NKAIN2: variants seen among roughly 807,000 people sequenced by gnomAD.
NKAIN2 encodes the protein sodium/potassium transporting ATPase interacting 2.
In NKAIN2, 14 loss-of-function variants were observed where a neutral mutation model predicts 32.6. The observed-to-expected ratio is 0.43, with a 90% CI of 0.28 to 0.67. The LOEUF (loss-of-function observed/expected upper bound fraction) is 0.67. NKAIN2 is among the 30% of genes least tolerant of loss of function. NKAIN2 has a pLI of 0.17. For missense variants in NKAIN2, 198 were observed against 258.3 expected (o/e 0.77, Z 1.60); for synonymous variants, 80 against 87.2 (o/e 0.92, Z 0.46).
chr6:124,716,600 C>T (rs1446602611), intron 4 of NKAIN2, among the ~76,000 whole-genome samples: 1 of 152,166 alleles, frequency 6.6e-6, no homozygotes, highest in Non-Finnish European at 1.5e-5. Context: ...ATTCAGCACA[C>T]TATATAATCT....
chr6:123,975,324 A>G (rs1444721874), intron 1 of NKAIN2, among the ~76,000 whole-genome samples: 3 of 152,242 alleles, frequency 2.0e-5, no homozygotes, highest in Non-Finnish European at 2.9e-5. Flanking sequence ...GAAAAAAATT[A>G]TAGAATTATC....
At chr6:124,328,645 T>C (rs540117132) in intron 2 of NKAIN2, among the ~76,000 whole-genome samples, 2 of 152,318 alleles carry the variant, frequency 1.3e-5, no homozygotes, top group Non-Finnish European at 2.9e-5. Context: ...TTTGGTGTTA[T>C]AGGGCTCTCT....
chr6:124,552,481 A>C (rs990168059), intron 3 of NKAIN2, among the ~76,000 whole-genome samples: 3 of 152,158 alleles, frequency 2.0e-5, no homozygotes, highest in African/African-American at 7.2e-5. Context: ...CGCCACATAG[A>C]CTGGTCTATG....
At chr6:123,856,644 A>G (rs1775565178) in intron 1 of NKAIN2, among the ~76,000 whole-genome samples, 1 of 152,224 alleles carries the variant, frequency 6.6e-6, no homozygotes, top group African/African-American at 2.4e-5. Context: ...ATGGATTGGA[A>G]GAAATGAAGT....
chr6:124,211,408 C>A (rs1220799601), intron 1 of NKAIN2, among the ~76,000 whole-genome samples: 2 of 151,990 alleles, frequency 1.3e-5, no homozygotes, highest in East Asian at 3.9e-4. Context: ...GTTTTTCTGA[C>A]CCTAAACAGC....
At chr6:124,042,368 G>C (rs1457200854) in intron 1 of NKAIN2, among the ~76,000 whole-genome samples, 1 of 152,028 alleles carries the variant, frequency 6.6e-6, no homozygotes, top group Non-Finnish European at 1.5e-5. Context: ...AATGGTTCCT[G>C]AAGCTCTAGA....
chr6:123,901,990 G>A lies in NKAIN2; in HGVS notation c.54+97736G>A, dbSNP rs188855390. Among the ~76,000 whole-genome samples the A allele has an allele frequency of 1.5e-3, 234 of 152,110 alleles. 2 individuals carry two copies. The highest frequency in any genetic ancestry group is 5.5e-3 in the African/African-American group (230 of 41,512). ...TGTAAAATAAAGTTTTGTTTTAATGGGTTGTTAGACAAATTTTAACGAAAT... is the reference window on the plus strand; with the variant it reads ...TGTAAAATAAAGTTTTGTTTTAATGAGTTGTTAGACAAATTTTAACGAAAT... On this transcript the variant is annotated intron_variant, in intron 1 of 6. Coordinates refer to ENST00000368417, the MANE Select transcript of NKAIN2 (RefSeq NM_001040214.3).
At chr6:124,119,802 C>T (rs1221015026) in intron 1 of NKAIN2, among the ~76,000 whole-genome samples, 1 of 152,194 alleles carries the variant, frequency 6.6e-6, no homozygotes, top group Non-Finnish European at 1.5e-5. Context: ...ACACCTGTCA[C>T]CCTGGAGCTC....
chr6:123,860,379 C>A (rs1298198062), intron 1 of NKAIN2, among the ~76,000 whole-genome samples: 3 of 152,070 alleles, frequency 2.0e-5, no homozygotes, highest in Admixed American at 6.5e-5. Context: ...ACCAACTGCA[C>A]CAATGTGTTC....
chr6:124,577,580 T>C (rs962156101), intron 3 of NKAIN2, among the ~76,000 whole-genome samples: 1 of 152,156 alleles, frequency 6.6e-6, no homozygotes, highest in Non-Finnish European at 1.5e-5. Flanking sequence ...GCCTCACCAA[T>C]GCAAGCTAAA....
At chr6:124,007,176 AT>A (rs1780113146) in intron 1 of NKAIN2, among the ~76,000 whole-genome samples, 1 of 152,200 alleles carries the variant, frequency 6.6e-6, no homozygotes, top group African/African-American at 2.4e-5. Context: ...AAATGTAAGT[AT>A]TTGTGTATCT....
intron 1 of NKAIN2, among the ~76,000 whole-genome samples, chr6:124,236,067 G>A (rs1049195157): frequency 2.0e-5 from 3 of 148,780 alleles, no homozygotes; most frequent in Non-Finnish European, 4.4e-5. Context: ...GGTCTTGAGT[G>A]GCATTCTTGG....
rs1313519888 is a variant in NKAIN2, at chr6:124,280,942, TGTAA to T, written c.55-2057_55-2054del. ...TTAGCTTGTTCAGTCTGCACAAACT[TGTAA>T]GTAAGAAACAATTGGTTGTGCCATA... On this transcript the variant is annotated intron_variant, in intron 1 of 6. Coordinates refer to ENST00000368417, the MANE Select transcript of NKAIN2 (RefSeq NM_001040214.3). Among the ~76,000 whole-genome samples the T allele has an allele frequency of 3.9e-5, 6 of 152,282 alleles. No homozygotes were observed. The South Asian group carries it at 6.2e-4, about 16-fold the overall frequency.
At chr6:124,405,203 T>G (rs945784291) in intron 3 of NKAIN2, among the ~76,000 whole-genome samples, 4 of 152,188 alleles carry the variant, frequency 2.6e-5, no homozygotes, top group Non-Finnish European at 5.9e-5. Flanking sequence ...GGGTACTAAG[T>G]TTTTGCAAAT....
intron 3 of NKAIN2, among the ~76,000 whole-genome samples, chr6:124,458,047 A>C (rs1416868897): frequency 6.6e-6 from 1 of 151,972 alleles, no homozygotes; most frequent in Non-Finnish European, 1.5e-5. Context: ...ATAGCCTCTA[A>C]ACTGAAACAT....
At chr6:124,510,919 A>G (rs1778685292) in intron 3 of NKAIN2, among the ~76,000 whole-genome samples, 2 of 152,168 alleles carry the variant, frequency 1.3e-5, no homozygotes, top group Non-Finnish European at 2.9e-5. Flanking sequence ...AAACCTATAT[A>G]TGTGTTTTTA....
chr6:124,499,448 G>C (rs1778197995), intron 3 of NKAIN2, among the ~76,000 whole-genome samples: 1 of 151,996 alleles, frequency 6.6e-6, no homozygotes, highest in Admixed American at 6.5e-5. Flanking sequence ...CTTTTTTTCT[G>C]ATAATTATTC....
chr6:123,838,070 T>C (rs1482417453), intron 1 of NKAIN2, among the ~76,000 whole-genome samples: 2 of 152,092 alleles, frequency 1.3e-5, no homozygotes, highest in African/African-American at 4.8e-5. Flanking sequence ...TAGCCCTAAA[T>C]AGGATTTTCC....
chr6:124,384,260 A>G (rs1772787498), intron 3 of NKAIN2, among the ~76,000 whole-genome samples: 1 of 152,174 alleles, frequency 6.6e-6, no homozygotes, highest in South Asian at 2.1e-4. Flanking sequence ...ATCACCCGAT[A>G]TACCATGGGA....
Sources: gnomAD v4.1 joint callset for allele counts (sites outside exome capture counted in the v4.1 genomes callset) on GRCh38, gnomAD v4.1.1 for gene constraint, MANE v1.5 for transcripts, NCBI Gene and HGNC (gene_info 2026-07-23, HGNC 2026-07-21) for gene names.